LRRC4C: variants seen among roughly 807,000 people sequenced by gnomAD.
LRRC4C encodes the protein leucine rich repeat containing 4C.
Under a neutral mutation model 33.6 loss-of-function variants are expected in LRRC4C, and 5 were observed. The observed-to-expected ratio is 0.15, with a 90% CI of 0.08 to 0.31. The LOEUF (loss-of-function observed/expected upper bound fraction) is 0.31. Ranked by LOEUF, LRRC4C falls within the 10% of genes least tolerant of loss-of-function variation. The pLI, the probability that LRRC4C is intolerant of heterozygous loss-of-function variation, is 1.00. For synonymous variants in LRRC4C, 329 were observed against 302.0 expected (o/e 1.09, Z -0.93); for missense variants, 560 against 796.7 (o/e 0.70, Z 3.58).
chr11:41,068,736 T>G (rs1938450998), intron 1 of LRRC4C, among the ~76,000 whole-genome samples: 2 of 152,100 alleles, frequency 1.3e-5, no homozygotes, highest in East Asian at 3.9e-4. Flanking sequence ...AATAACAAGT[T>G]TTGAAATTGA....
intron 2 of LRRC4C, among the ~76,000 whole-genome samples, chr11:40,795,004 T>C (rs912332568): frequency 6.6e-5 from 10 of 152,230 alleles, no homozygotes; most frequent in African/African-American, 1.9e-4. Context: ...TCTTTTACTA[T>C]AGAGAACTTC....
intron 5 of LRRC4C, among the ~76,000 whole-genome samples, chr11:40,147,367 G>C (rs1857825818): frequency 6.6e-6 from 1 of 152,082 alleles, no homozygotes; most frequent in Non-Finnish European, 1.5e-5. Flanking sequence ...TCCCTGTCCT[G>C]CTGCATAAAT....
rs140317274 is a variant in LRRC4C at position 40,271,007 on chromosome 11, G to T, written c.-175-29409C>A. On this transcript the variant is annotated intron_variant, in intron 4 of 6. Transcript: ENST00000528697. The stretch of plus-strand genomic sequence containing the variant: ...TGACATTTGAGCACCTACTAAAGCA[G>T]GGTGTTGCCACAAAAGTTGCAAACC... Among the ~76,000 whole-genome samples the T allele has an allele frequency of 1.1e-4, 17 of 152,242 alleles. No individual in the cohort carries two copies. The South Asian group carries it at 1.7e-3, about 15-fold the overall frequency.
intron 1 of LRRC4C, among the ~76,000 whole-genome samples, chr11:41,237,396 C>T (rs1948069431): frequency 6.6e-6 from 1 of 152,046 alleles, no homozygotes; most frequent in South Asian, 2.1e-4. Context: ...CCAAATGATA[C>T]CCTGCTAGTT....
chr11:40,187,327 CT>C lies in LRRC4C; in HGVS notation c.-95-46475del, dbSNP rs984027757. ...TGCCTTTCGGGAGAAAATTTTCTTT[CT>C]TTTTTTTTTTTTTGAGCTGCTGAAT... On this transcript the variant is annotated intron_variant, in intron 5 of 6. Coordinates refer to ENST00000528697, the MANE Select transcript of LRRC4C (RefSeq NM_001258419.2). 4.0e-3 allele frequency among the ~76,000 whole-genome samples: 565 copies of C among 139,830 alleles called. 2 individuals carry two copies. Among genetic ancestry groups the C allele is most frequent in the Admixed American group, 5.5e-3 (77 of 14,054 alleles). The allele number at this position is 139,830 out of a possible 152,430, so 91.7% of individuals were successfully genotyped here. A position where few individuals can be genotyped will look rare whatever the true frequency, so the allele number is the denominator to read the frequency against.
At chr11:40,235,205 A>C (rs1865474371) in intron 5 of LRRC4C, among the ~76,000 whole-genome samples, 1 of 152,252 alleles carries the variant, frequency 6.6e-6, no homozygotes, top group Non-Finnish European at 1.5e-5. Flanking sequence ...TTGAAAGATC[A>C]GACAGATATA....
intron 3 of LRRC4C, among the ~76,000 whole-genome samples, chr11:40,545,281 TA>T (rs1044670072): frequency 1.3e-5 from 2 of 151,990 alleles, no homozygotes; most frequent in African/African-American, 4.8e-5. Context: ...ATTCACTCAA[TA>T]AATGTTTGTT....
intron 1 of LRRC4C, among the ~76,000 whole-genome samples, chr11:41,203,695 A>AGTTTT (rs1277229449): frequency 6.6e-6 from 1 of 152,134 alleles, no homozygotes; most frequent in African/African-American, 2.4e-5. Flanking sequence ...TCTGTGCCTC[A>AGTTTT]GTTTTGTTTT....
intron 3 of LRRC4C, among the ~76,000 whole-genome samples, chr11:40,326,869 A>G (rs1479552948): frequency 6.6e-6 from 1 of 152,184 alleles, no homozygotes; most frequent in Non-Finnish European, 1.5e-5. Flanking sequence ...TGGATTGTAA[A>G]GGTAAGATTG....
chr11:40,862,193 C>G (rs1041033733), intron 2 of LRRC4C, among the ~76,000 whole-genome samples: 1 of 152,114 alleles, frequency 6.6e-6, no homozygotes, highest in East Asian at 1.9e-4. Flanking sequence ...AAATTATTCA[C>G]ACTATTCTAT....
At chr11:40,764,755 G>C (rs1042939508) in intron 2 of LRRC4C, among the ~76,000 whole-genome samples, 5 of 152,100 alleles carry the variant, frequency 3.3e-5, no homozygotes, top group South Asian at 2.1e-4. Context: ...CCATTTTTAG[G>C]GGGGGAACAT....
intron 4 of LRRC4C, among the ~76,000 whole-genome samples, chr11:40,277,888 C>T (rs1009621569): frequency 5.3e-5 from 8 of 152,002 alleles, no homozygotes; most frequent in Non-Finnish European, 1.0e-4. Context: ...CAAAAGGGTA[C>T]GTTGAGATAA....
chr11:41,329,134 CA>C (rs1951214734), intron 1 of LRRC4C, among the ~76,000 whole-genome samples: 1 of 152,138 alleles, frequency 6.6e-6, no homozygotes. Context: ...ATATTTTCTT[CA>C]AGACTCATTG....
At chr11:40,579,030 T>C (rs1162877670) in intron 3 of LRRC4C, among the ~76,000 whole-genome samples, 1 of 152,126 alleles carries the variant, frequency 6.6e-6, no homozygotes, top group Non-Finnish European at 1.5e-5. Context: ...CCAGAATGAA[T>C]CAGGTAATAG....
chr11:40,913,531 G>A (rs1956793277), intron 2 of LRRC4C, among the ~76,000 whole-genome samples: 2 of 152,000 alleles, frequency 1.3e-5, no homozygotes, highest in South Asian at 4.2e-4. Flanking sequence ...CAGAATCTCT[G>A]GGACACATTC....
chr11:41,126,242 C>T (rs1365763566), intron 1 of LRRC4C, among the ~76,000 whole-genome samples: 1 of 151,574 alleles, frequency 6.6e-6, no homozygotes, highest in Non-Finnish European at 1.5e-5. Flanking sequence ...TCTTTCCACC[C>T]TTCTATTTTT....
At chr11:40,520,307 G>A (rs888506659) in intron 3 of LRRC4C, among the ~76,000 whole-genome samples, 3 of 152,100 alleles carry the variant, frequency 2.0e-5, no homozygotes, top group Admixed American at 2.0e-4. Flanking sequence ...TTTGGTGCAG[G>A]AGGCCTAACA....
chr11:41,209,089 C>A (rs1422820913), intron 1 of LRRC4C, among the ~76,000 whole-genome samples: 1 of 150,418 alleles, frequency 6.6e-6, no homozygotes, highest in Non-Finnish European at 1.5e-5. Flanking sequence ...AAAAAAAAAA[C>A]CCGTTAGGTA....
At chr11:40,405,773 A>T (rs1949944133) in intron 3 of LRRC4C, among the ~76,000 whole-genome samples, 1 of 150,288 alleles carries the variant, frequency 6.7e-6, no homozygotes, top group South Asian at 2.2e-4. Context: ...TGTGTTGTCC[A>T]CTTCCTCACT....
Sources: gnomAD v4.1 joint callset for allele counts (sites outside exome capture counted in the v4.1 genomes callset) on GRCh38, gnomAD v4.1.1 for gene constraint, MANE v1.5 for transcripts, NCBI Gene and HGNC (gene_info 2026-07-23, HGNC 2026-07-21) for gene names.